PASK: variants seen among roughly 807,000 people sequenced by gnomAD.
The protein encoded by PASK is PAS domain containing serine/threonine kinase.
A neutral mutation model predicts 121.0 loss-of-function variants in PASK; 110 were observed. That is an observed-to-expected ratio of 0.91 (90% CI 0.78 to 1.06). The LOEUF (loss-of-function observed/expected upper bound fraction) is 1.06, where lower values mean the gene tolerates loss of function less well. PASK is among the 50% of genes least tolerant of loss of function. The pLI is 0.00. For missense variants in PASK, 1,643 were observed against 1,702.3 expected, an observed-to-expected ratio of 0.97 and a Z score of 0.61; for synonymous variants, 686 against 717.8, an observed-to-expected ratio of 0.96 and a Z score of 0.71.
In PASK at chr2:241,137,976, G is replaced by A. The variant is rs958374516; in HGVS notation, c.853C>T (p.Pro285Ser). 1 of 1,614,244 alleles carries A rather than the reference G, an allele frequency of 6.2e-7. No homozygotes were observed. Among genetic ancestry groups the A allele is most frequent in the African/African-American group, 1.3e-5 (1 of 75,076 alleles). ...TDLIPSVQLPPSGQHIPKNLK... is the reference protein window; with the variant it reads ...TDLIPSVQLPSSGQHIPKNLK... ...ACCTTTGGGATGTGCTGGCCAGAAG[G>A]AGGGAGCTGCACAGAAGGGATCAGG... The change falls in exon 6 of 18, where the codon CCT (proline) becomes TCT (serine). Residue 285 changes from proline to serine, a missense_variant. Coordinates refer to ENST00000234040, the MANE Select transcript of PASK (RefSeq NM_015148.4).
Position 241,107,512 on chromosome 2 carries a change from A to G in PASK, c.3668-13T>C, listed in dbSNP as rs201611699. On this transcript the variant is annotated splice_polypyrimidine_tract_variant and intron_variant, in intron 16 of 17. Coordinates refer to ENST00000234040, the MANE Select transcript of PASK (RefSeq NM_015148.4). ...AGGCTCATGAGTTCTGGGGACACAA[A>G]GAACACAGATGGTAGGTCCAGATTG... 23 of 1,613,582 alleles carry G rather than the reference A, an allele frequency of 1.4e-5. No homozygotes were observed. The East Asian group carries it at 4.7e-4, about 33-fold the overall frequency.
At chr2:241,144,544 CCCAG>C (rs2066863503) in intron 1 of PASK, among the ~76,000 whole-genome samples, 1 of 152,204 alleles carries the variant, frequency 6.6e-6, no homozygotes, top group Non-Finnish European at 1.5e-5. Flanking sequence ...CCCCAGAGTT[CCCAG>C]CCAAAGGGTC....
At chr2:241,139,863 C>T (rs761672597) in intron 4 of PASK, 22 bp downstream of exon 4, 75 of 1,612,280 alleles carry the variant, frequency 4.7e-5, no homozygotes, top group Admixed American at 2.2e-4. Flanking sequence ...CCAGACTGAA[C>T]GCTGCACCCG....
At position 241,106,205 on chromosome 2, in the gene PASK, C is replaced by T. The variant is rs1225642443; in HGVS notation, c.*361G>A. On this transcript the variant is annotated 3_prime_UTR_variant, in exon 18 of 18. Transcript: ENST00000234040. ...ACCAGTTCTACAAATTTCACATATC[C>T]GTCACTCAGATGAGCATATACCAAG... The T allele has an allele frequency of 1.8e-5, 5 of 282,950 alleles. No individual in the cohort carries two copies. In the East Asian group the frequency reaches 3.6e-4, roughly 20 times the overall value. 17.5% of individuals were successfully genotyped at this position (282,950 alleles called of 1,614,324 possible).
At chr2:241,146,989 T>G (rs1465528643) in intron 1 of PASK, among the ~76,000 whole-genome samples, 1 of 152,212 alleles carries the variant, frequency 6.6e-6, no homozygotes, top group Non-Finnish European at 1.5e-5. Context: ...AACCTGCAGA[T>G]GTGTAGGAAG....
rs1247520662 is a variant in PASK at position 241,112,935 on chromosome 2, G to A, written c.3334-496C>T. 5.8e-6 allele frequency: 1 copy of A among 171,416 alleles called. No individual in the cohort carries two copies. The highest frequency in any genetic ancestry group is 1.3e-5 in the Non-Finnish European group (1 of 79,328). The allele number at this position is 171,416 out of a possible 1,614,324, so 10.6% of individuals were successfully genotyped here. ...AGAGTTCAGGCAGCAATTTGGGGCA[G>A]AGCTGGGAGCACAGCCTCAGTGGCT... On this transcript the variant is annotated intron_variant, in intron 14 of 17. Transcript: ENST00000234040. The surrounding 1 kb of genome is among the most constrained non-coding windows in gnomAD (Gnocchi z 5.2).
chr2:241,126,268 C>G lies in PASK; in HGVS notation c.2647G>C (p.Ala883Pro). Reference protein sequence around the residue: ...STPVIVMRGAAGLQREIQEGA... With the variant: ...STPVIVMRGAPGLQREIQEGA... ...TCCTGGATCTCCCGCTGCAGGCCAG[C>G]AGCCCCGCGCATCACGATCACGGGC... is the stretch of plus-strand genomic sequence containing the variant. The change falls in exon 10 of 18, where the codon GCT becomes CCT. Residue 883 changes from alanine to proline, a missense_variant. This residue lies in a region of PASK where 1,176 missense variants were observed against 1,162.2 expected (regional missense o/e 1.01). Coordinates refer to ENST00000234040, the MANE Select transcript of PASK (RefSeq NM_015148.4). 1 of 1,614,154 alleles carries G rather than the reference C, an allele frequency of 6.2e-7. No homozygotes were observed. The highest frequency in any genetic ancestry group is 1.1e-5 in the South Asian group (1 of 91,076).
At chr2:241,138,233 A>G (rs924314982) in intron 5 of PASK, 146 bp from the exon 6 acceptor site, 18 of 810,014 alleles carry the variant, frequency 2.2e-5, no homozygotes, top group African/African-American at 6.8e-5. Flanking sequence ...CATGAATTTG[A>G]TAAGAGCTTC....
chr2:241,149,230 G>A (rs1373690), intron 1 of PASK, among the ~76,000 whole-genome samples, 184 bp downstream of exon 1: 74,211 of 152,042 alleles, frequency 0.49, 18,346 homozygotes, highest in East Asian at 0.68. Flanking sequence ...TGGGCACGGA[G>A]AGGACGCGGG....
In PASK at chr2:241,108,066, G is replaced by A. The variant is rs1444820664; in HGVS notation, c.3667+101C>T. 1.9e-6 allele frequency: 2 copies of A among 1,063,858 alleles called. No individual in the cohort carries two copies. The highest frequency in any genetic ancestry group is 2.4e-5 in the East Asian group (1 of 42,416). The allele number at this position is 1,063,858 out of a possible 1,614,324, so 65.9% of individuals were successfully genotyped here. A position where few individuals can be genotyped will look rare whatever the true frequency, so the allele number is the denominator to read the frequency against. ...TAGAAAAGAAACAAATGAGACTGTT[G>A]ATATGGACAGAGATACACTGAGGAA... On this transcript the variant is annotated intron_variant, in intron 16 of 17. Coordinates refer to ENST00000234040, the MANE Select transcript of PASK (RefSeq NM_015148.4). This position sits in a 1 kb window ranked among gnomAD's most constrained non-coding sequence, Gnocchi z 5.2.
chr2:241,147,585 C>A (rs535516047), intron 1 of PASK, among the ~76,000 whole-genome samples: 1 of 152,278 alleles, frequency 6.6e-6, no homozygotes, highest in Admixed American at 6.5e-5. Context: ...AGCACCACTG[C>A]ACTCCAGCCT....
At chr2:241,117,262 G>A (rs1472967645) in intron 12 of PASK, among the ~76,000 whole-genome samples, 3 of 152,218 alleles carry the variant, frequency 2.0e-5, no homozygotes, top group African/African-American at 7.2e-5. Context: ...ACCCTTTGAC[G>A]GGAGGGTCAC....
upstream of PASK, chr2:241,149,781 G>A (rs2125469761): frequency 1.3e-6 from 2 of 1,536,318 alleles, no homozygotes; most frequent in Non-Finnish European, 8.7e-7. Context: ...TCGTTCATGG[G>A]CCGGGTGGCT....
chr2:241,118,970 C>A (rs923860963), intron 12 of PASK: 97 of 1,010,224 alleles, frequency 9.6e-5, no homozygotes, highest in Non-Finnish European at 1.1e-4. Context: ...AAGGGCAGCA[C>A]CCCCAGCCTC....
intron 15 of PASK, among the ~76,000 whole-genome samples, chr2:241,111,013 C>A (rs1045460801): frequency 1.3e-5 from 2 of 152,228 alleles, no homozygotes; most frequent in Non-Finnish European, 1.5e-5. Flanking sequence ...GAGAGGTTGG[C>A]GCAGGCTGAG....
Position 241,112,429 on chromosome 2 carries a change from G to A in PASK, c.3344C>T (p.Ala1115Val). 1 of 1,611,926 alleles carries A rather than the reference G, an allele frequency of 6.2e-7. No homozygotes were observed. The highest frequency in any genetic ancestry group is 8.5e-7 in the Non-Finnish European group (1 of 1,178,338). Residue 1115 changes from alanine (A) to valine (V), a missense_variant, in exon 15 of 18, where the codon GCA becomes GTA. Around this residue, in one of 3 missense-constraint regions of PASK, gnomAD observed 453 missense variants for 511.2 expected, o/e 0.89. Transcript: ENST00000234040. The surrounding 1 kb of genome is among the most constrained non-coding windows in gnomAD (Gnocchi z 5.2). ...GTCCTTCAAGCGCAGGTATCCCACTGCTGACACTAGCTGGAATCAGGAGGC... is the reference window on the plus strand; with the variant it reads ...GTCCTTCAAGCGCAGGTATCCCACTACTGACACTAGCTGGAATCAGGAGGC... ...ASYIFRQLVS[A>V]VGYLRLKDII...
At chr2:241,133,519 T>G in intron 8 of PASK, 1 of 219,300 alleles carries the variant, frequency 4.6e-6, no homozygotes, top group Non-Finnish European at 9.3e-6. Context: ...CATGCCCTCT[T>G]CCCCTCTTTG....
At chr2:241,124,334 G>A (rs940904563) in intron 10 of PASK, among the ~76,000 whole-genome samples, 1 of 152,358 alleles carries the variant, frequency 6.6e-6, no homozygotes, top group Non-Finnish European at 1.5e-5. Context: ...AAAGCTGTCA[G>A]GGCCGGCCAG....
intron 2 of PASK, among the ~76,000 whole-genome samples, chr2:241,141,950 C>G (rs895258621): frequency 6.6e-6 from 1 of 152,198 alleles, no homozygotes; most frequent in Admixed American, 6.5e-5. Flanking sequence ...GCTCCCACCC[C>G]TGCTCCTCAT....
Sources: gnomAD v4.1 joint callset for allele counts (sites outside exome capture counted in the v4.1 genomes callset) on GRCh38, gnomAD v4.1.1 for gene constraint, gnomAD v4.1.1 regional missense constraint, Gnocchi (gnomAD v3.1) non-coding constraint, MANE v1.5 for transcripts, NCBI Gene and HGNC (gene_info 2026-07-23, HGNC 2026-07-21) for gene names.